The following MAX variants were observed in gnomAD, a reference collection of about 807,000 sequenced individuals.
MAX encodes MYC associated transcriptional regulator X.
In MAX, 3 loss-of-function variants were observed where a neutral mutation model predicts 22.3. The ratio of observed to expected loss-of-function variants is 0.13; its 90% confidence interval spans 0.06 to 0.35. The LOEUF (loss-of-function observed/expected upper bound fraction) is 0.35. Ranked by LOEUF, MAX falls within the 10% of genes least tolerant of loss-of-function variation. The pLI, the probability that MAX is intolerant of heterozygous loss-of-function variation, is 1.00. For missense variants in MAX, 119 were observed against 209.4 expected (o/e 0.57, Z 2.66); for synonymous variants, 72 against 77.7 (o/e 0.93, Z 0.39).
At chr14:65,067,793 ATTT>A (rs59262877) in intron 3 of MAX, among the ~76,000 whole-genome samples, 12 of 123,144 alleles carry the variant, frequency 9.7e-5, no homozygotes, top group African/African-American at 8.9e-5. Context: ...AGCTAATTAC[ATTT>A]TTTTTTTTTT....
At position 65,009,883 on chromosome 14, in the gene MAX, AT is replaced by A. The variant is rs2061657400; in HGVS notation, c.172-3600del. 6.6e-6 allele frequency among the ~76,000 whole-genome samples: 1 copy of A among 151,792 alleles called. No individual in the cohort carries two copies. Among genetic ancestry groups the A allele is most frequent in the Non-Finnish European group, 1.5e-5 (1 of 67,946 alleles). On this transcript the variant is annotated intron_variant, in intron 3 of 3. Coordinates refer to the MAX transcript ENST00000341653. The surrounding 1 kb of genome is among the most constrained non-coding windows in gnomAD (Gnocchi z 4.2). ...TTTATTGGACAGGGCTCTGCTTGTC[AT>A]TTTCACATGTGTGTCCACCTCTGGA... is the stretch of plus-strand genomic sequence containing the variant.
At chr14:65,097,641 G>A (rs1362492108) in intron 2 of MAX, among the ~76,000 whole-genome samples, 1 of 152,156 alleles carries the variant, frequency 6.6e-6, no homozygotes, top group Non-Finnish European at 1.5e-5. Context: ...TGTTGCTTAT[G>A]ATTCTTATCA....
At position 65,027,344 on chromosome 14, in the gene MAX, C is replaced by A. The variant is rs958477053; in HGVS notation, c.172-21060G>T. 6.6e-7 allele frequency: 1 copy of A among 1,524,526 alleles called. No homozygotes were observed. Among genetic ancestry groups the A allele is most frequent in the East Asian group, 2.3e-5 (1 of 44,282 alleles). The allele number at this position is 1,524,526 out of a possible 1,614,324, so 94.4% of individuals were successfully genotyped here. A position where few individuals can be genotyped will look rare whatever the true frequency, so the allele number is the denominator to read the frequency against. On this transcript the variant is annotated intron_variant, in intron 3 of 3. Transcript: ENST00000341653. The surrounding 1 kb of genome is among the most constrained non-coding windows in gnomAD (Gnocchi z 5.7). The stretch of plus-strand genomic sequence containing the variant: ...AAGTGGGAGGAGAGGTTCCCCTCAA[C>A]TTTTGAGGGAGTGGGGGATCATTGG...
In MAX at chr14:65,014,705, T is replaced by G. The variant is rs559975554; in HGVS notation, c.172-8421A>C. Among the ~76,000 whole-genome samples the G allele has an allele frequency of 2.6e-5, 4 of 152,196 alleles. No individual in the cohort carries two copies. Among genetic ancestry groups the G allele is most frequent in the African/African-American group, 9.6e-5 (4 of 41,542 alleles). On this transcript the variant is annotated intron_variant, in intron 3 of 3. Transcript: ENST00000341653. The surrounding 1 kb of genome is among the most constrained non-coding windows in gnomAD (Gnocchi z 5.1). ...GGTGTGTGCCCGTAGTCCCAGCTAC[T>G]TAGGAGGCTGAGGTGGGAGGATTGC... is the stretch of plus-strand genomic sequence containing the variant.
chr14:65,020,077 A>G (rs775496855), intron 3 of MAX, among the ~76,000 whole-genome samples: 1 of 152,134 alleles, frequency 6.6e-6, no homozygotes, highest in Non-Finnish European at 1.5e-5. Context: ...CACGCCCCCT[A>G]CACTTACACA....
chr14:65,019,130 ACCACTGCACTCCAGCCTGGG>A (rs2061838526), intron 3 of MAX, among the ~76,000 whole-genome samples: 8 of 151,946 alleles, frequency 5.3e-5, no homozygotes, highest in Admixed American at 4.6e-4. Flanking sequence ...CCAAGATTGC[ACCACTGCACTCCAGCCTGGG>A]CAACAAGAGT....
chr14:65,040,097 G>A (rs1046465385), intron 3 of MAX, among the ~76,000 whole-genome samples: 2 of 152,138 alleles, frequency 1.3e-5, no homozygotes, highest in South Asian at 2.1e-4. Flanking sequence ...GGCTGAGGTG[G>A]GAGGATTGCC....
In MAX at chr14:65,044,746, C is replaced by T; in HGVS notation, c.172-38462G>A. ...TCTGCGTTATCTGGAAGGAGCAGCC[C>T]ACTCCTGTCCTGGGCTCTGTGGTGA... is the stretch of plus-strand genomic sequence containing the variant. On this transcript the variant is annotated intron_variant, in intron 3 of 3. Coordinates refer to the MAX transcript ENST00000341653. This position sits in a 1 kb window ranked among gnomAD's most constrained non-coding sequence, Gnocchi z 5.5. 1 of 380,682 alleles carries T rather than the reference C, an allele frequency of 2.6e-6. No individual in the cohort carries two copies. Among genetic ancestry groups the T allele is most frequent in the South Asian group, 3.1e-5 (1 of 32,244 alleles). The allele number at this position is 380,682 out of a possible 1,614,324, so 23.6% of individuals were successfully genotyped here.
intron 3 of MAX, chr14:65,083,722 G>T: frequency 9.5e-7 from 1 of 1,052,330 alleles, no homozygotes; most frequent in Non-Finnish European, 1.2e-6. Flanking sequence ...CTGGAGGGAT[G>T]AAAAAAGAGG....
rs2063029002 is a variant in MAX at position 65,075,286 on chromosome 14, G to T, written c.*1190C>A. ...GAGTATACACTAGAAATCAGCAAAT[G>T]CCAGGAACGGAGTAGGAAAAAGACA... On this transcript the variant is annotated 3_prime_UTR_variant, in exon 5 of 5. Transcript: ENST00000358664. The surrounding 1 kb of genome is among the most constrained non-coding windows in gnomAD (Gnocchi z 4.1). The T allele has an allele frequency of 2.8e-6, 3 of 1,061,292 alleles. No individual in the cohort carries two copies. The highest frequency in any genetic ancestry group is 3.4e-6 in the Non-Finnish European group (3 of 876,582). The allele number at this position is 1,061,292 out of a possible 1,614,324, so 65.7% of individuals were successfully genotyped here.
chr14:65,091,681 A>G (rs964344541), intron 3 of MAX, among the ~76,000 whole-genome samples: 2 of 152,124 alleles, frequency 1.3e-5, no homozygotes, highest in Non-Finnish European at 2.9e-5. Flanking sequence ...TCTTTGCTTC[A>G]CTTTGTTCAA....
At chr14:65,025,415 G>A (rs1258136935) in intron 3 of MAX, among the ~76,000 whole-genome samples, 19 of 152,184 alleles carry the variant, frequency 1.2e-4, no homozygotes, top group Admixed American at 1.2e-3. Flanking sequence ...CTTTGTTAGG[G>A]CATGAGCTTA....
At chr14:65,025,077 T>C (rs992193955) in intron 3 of MAX, among the ~76,000 whole-genome samples, 3 of 152,228 alleles carry the variant, frequency 2.0e-5, no homozygotes, top group African/African-American at 7.2e-5. Flanking sequence ...ATCAGAATGT[T>C]CTGTAATACG....
intron 3 of MAX, chr14:65,083,795 A>T (rs906724985): frequency 1.8e-6 from 2 of 1,124,032 alleles, no homozygotes; most frequent in Non-Finnish European, 2.2e-6. Flanking sequence ...GAGAAAATGA[A>T]ACCATTTATT....
intron 3 of MAX, among the ~76,000 whole-genome samples, chr14:65,048,393 G>A (rs973909724): frequency 2.0e-5 from 3 of 151,442 alleles, no homozygotes; most frequent in African/African-American, 7.3e-5. Context: ...TTTTTAAAAG[G>A]CATTGATCAT....
In MAX at chr14:65,069,398, C is replaced by T. The variant is rs1009539087; in HGVS notation, c.171+24310G>A. ...AGTGCCAAACCGCTCTCACTGAGGG[C>T]CCATCTCCTGAACTCCTCTGGCATT... On this transcript the variant is annotated intron_variant, in intron 3 of 3. Transcript: ENST00000341653. The surrounding 1 kb of genome is among the most constrained non-coding windows in gnomAD (Gnocchi z 4.6). Among the ~76,000 whole-genome samples, 9 of 152,332 alleles carry T rather than the reference C, an allele frequency of 5.9e-5. No homozygotes were observed. Among genetic ancestry groups the T allele is most frequent in the African/African-American group, 2.2e-4 (9 of 41,588 alleles).
intron 3 of MAX, among the ~76,000 whole-genome samples, chr14:65,091,535 T>C (rs1260374713): frequency 6.6e-6 from 1 of 152,198 alleles, no homozygotes; most frequent in African/African-American, 2.4e-5. Flanking sequence ...CCACCATCCC[T>C]TCACTCATTC....
intron 3 of MAX, among the ~76,000 whole-genome samples, chr14:65,038,663 A>G (rs1455564665): frequency 1.3e-5 from 2 of 152,220 alleles, no homozygotes; most frequent in Non-Finnish European, 2.9e-5. Flanking sequence ...GGTTGCAGTG[A>G]GCCAAGATTG....
chr14:65,076,788 C>T lies in MAX; in HGVS notation c.296-125G>A. On this transcript the variant is annotated intron_variant, in intron 4 of 4. Transcript: ENST00000358664. The surrounding 1 kb of genome is among the most constrained non-coding windows in gnomAD (Gnocchi z 6.6). ...TTGTTGGCCCCCGAGGCTCAAGATGCTCAGAAGTAGCTCCCTTCGGGTGGC... is the reference window on the plus strand; with the variant it reads ...TTGTTGGCCCCCGAGGCTCAAGATGTTCAGAAGTAGCTCCCTTCGGGTGGC... 9.1e-7 allele frequency: 1 copy of T among 1,092,958 alleles called. No homozygotes were observed. Among genetic ancestry groups the T allele is most frequent in the Non-Finnish European group, 1.4e-6 (1 of 716,676 alleles). 67.7% of individuals were successfully genotyped at this position (1,092,958 alleles called of 1,614,324 possible). A position where few individuals can be genotyped will look rare whatever the true frequency, so the allele number is the denominator to read the frequency against.
Sources: gnomAD v4.1 joint callset for allele counts (sites outside exome capture counted in the v4.1 genomes callset) on GRCh38, gnomAD v4.1.1 for gene constraint, Gnocchi (gnomAD v3.1) non-coding constraint, MANE v1.5 for transcripts, NCBI Gene and HGNC (gene_info 2026-07-23, HGNC 2026-07-21) for gene names.